Variants in MSRA observed in about 807,000 individuals in gnomAD.
MSRA encodes methionine sulfoxide reductase A.
MSRA carries 54 observed loss-of-function variants against 31.3 expected under a neutral mutation model. The observed-to-expected ratio is 1.73, with a 90% CI of 1.39 to 2.17. MSRA has a LOEUF of 2.17. MSRA is among the 30% of genes most tolerant of loss of function. The pLI, the probability that MSRA is intolerant of heterozygous loss-of-function variation, is 0.00. For missense variants in MSRA, 507 were observed against 300.9 expected, an observed-to-expected ratio of 1.69 and a Z score of -5.07; for synonymous variants, 169 against 116.5, an observed-to-expected ratio of 1.45 and a Z score of -2.90.
At chr8:10,180,560 G>A (rs796844108) in intron 1 of MSRA, among the ~76,000 whole-genome samples, 27 of 152,284 alleles carry the variant, frequency 1.8e-4, no homozygotes, top group African/African-American at 5.5e-4. Context: ...GCCACCTGGA[G>A]TTACCTCATT....
chr8:10,170,380 G>C (rs1585084232), intron 1 of MSRA, among the ~76,000 whole-genome samples: 1 of 152,264 alleles, frequency 6.6e-6, no homozygotes, highest in Middle Eastern at 3.4e-3. Flanking sequence ...TCTGTGATGT[G>C]AGAACACAGT....
chr8:10,413,333 A>T (rs1808266489), intron 5 of MSRA, among the ~76,000 whole-genome samples: 1 of 152,210 alleles, frequency 6.6e-6, no homozygotes, highest in Non-Finnish European at 1.5e-5. Flanking sequence ...CCACACTGAG[A>T]CTTCAATGGC....
At chr8:10,057,814 T>C (rs941616462) in intron 1 of MSRA, among the ~76,000 whole-genome samples, 6 of 152,256 alleles carry the variant, frequency 3.9e-5, no homozygotes, top group Non-Finnish European at 7.3e-5. Flanking sequence ...CTGGCCATGC[T>C]TTCTGTACAG....
intron 1 of MSRA, among the ~76,000 whole-genome samples, chr8:10,135,548 A>G (rs1297928640): frequency 1.3e-5 from 2 of 152,234 alleles, no homozygotes; most frequent in Non-Finnish European, 1.5e-5. Flanking sequence ...GGTATTTAAT[A>G]TACATGATGA....
chr8:10,330,194 T>C (rs1425590434), intron 5 of MSRA, among the ~76,000 whole-genome samples: 1 of 106,908 alleles, frequency 9.4e-6, no homozygotes, highest in Non-Finnish European at 1.9e-5. Flanking sequence ...ATTATAAGAA[T>C]TAAATGTGAT....
chr8:10,090,145 A>G (rs566557899), intron 1 of MSRA, among the ~76,000 whole-genome samples: 1 of 152,298 alleles, frequency 6.6e-6, no homozygotes, highest in East Asian at 1.9e-4. Context: ...CAGAGACTTA[A>G]TGCAGAGGGG....
chr8:10,195,867 C>T (rs1195595340), intron 1 of MSRA, among the ~76,000 whole-genome samples: 2 of 152,186 alleles, frequency 1.3e-5, no homozygotes, highest in Non-Finnish European at 2.9e-5. Context: ...TTTTCACGAA[C>T]GAATAGCAGC....
intron 5 of MSRA, among the ~76,000 whole-genome samples, chr8:10,403,237 A>C (rs1040139295): frequency 6.6e-6 from 1 of 152,208 alleles, no homozygotes. Flanking sequence ...CTTTCAGCAG[A>C]GTGGGTGGCA....
At chr8:10,314,320 G>C (rs1442262145) in intron 4 of MSRA, among the ~76,000 whole-genome samples, 5 of 152,092 alleles carry the variant, frequency 3.3e-5, no homozygotes, top group Non-Finnish European at 5.9e-5. Context: ...TGTATGTGCA[G>C]TATTTTTTTT....
chr8:10,164,379 C>G (rs758330607), intron 1 of MSRA, among the ~76,000 whole-genome samples: 5 of 152,170 alleles, frequency 3.3e-5, no homozygotes, highest in Non-Finnish European at 7.4e-5. Context: ...GATCCCTTCC[C>G]TTGGCTGCTG....
intron 5 of MSRA, among the ~76,000 whole-genome samples, chr8:10,370,349 C>G (rs764843690): frequency 6.6e-6 from 1 of 152,160 alleles, no homozygotes; most frequent in Non-Finnish European, 1.5e-5. Context: ...GAAGAGTGGT[C>G]CCTCCAAAGG....
chr8:10,133,862 G>A (rs372350691), intron 1 of MSRA, among the ~76,000 whole-genome samples: 49 of 151,922 alleles, frequency 3.2e-4, no homozygotes, highest in African/African-American at 1.1e-3. Context: ...ATGGAGTCTC[G>A]CTCTGTCGCC....
intron 3 of MSRA, among the ~76,000 whole-genome samples, chr8:10,251,069 C>T (rs559650009): frequency 6.6e-6 from 1 of 152,264 alleles, no homozygotes; most frequent in East Asian, 1.9e-4. Context: ...GTTTTCTTCT[C>T]TTCTTCATCT....
intron 1 of MSRA, among the ~76,000 whole-genome samples, chr8:10,147,348 C>A (rs1041207036): frequency 7.9e-5 from 12 of 152,142 alleles, no homozygotes; most frequent in African/African-American, 2.7e-4. Flanking sequence ...TGTGGAGGGT[C>A]AGCTTCCGCA....
chr8:10,059,154 A>G (rs1365667024), intron 1 of MSRA: 1 of 152,200 alleles, frequency 6.6e-6, no homozygotes, highest in East Asian at 1.9e-4. Flanking sequence ...TGGTATTGGG[A>G]CAACTGGGTA....
intron 1 of MSRA, among the ~76,000 whole-genome samples, chr8:10,160,021 A>C (rs542447423): frequency 3.3e-5 from 5 of 152,222 alleles, no homozygotes; most frequent in African/African-American, 9.6e-5. Flanking sequence ...AAAGTGGTCT[A>C]TATAATTCTT....
chr8:10,105,108 A>G (rs977174518), intron 1 of MSRA, among the ~76,000 whole-genome samples: 2 of 152,222 alleles, frequency 1.3e-5, no homozygotes, highest in African/African-American at 4.8e-5. Context: ...TGCTTTGCAC[A>G]GTATTCTTTT....
chr8:10,413,739 C>T (rs900458404), intron 5 of MSRA, among the ~76,000 whole-genome samples: 2 of 149,942 alleles, frequency 1.3e-5, no homozygotes, highest in East Asian at 1.9e-4. Flanking sequence ...GCTGAGTTGG[C>T]GGAAGAAAGA....
chr8:10,170,474 C>T (rs939873338), intron 1 of MSRA, among the ~76,000 whole-genome samples: 2 of 152,142 alleles, frequency 1.3e-5, no homozygotes, highest in African/African-American at 4.8e-5. Flanking sequence ...ACTTCCCAGC[C>T]TCCAGAATTG....
Sources: allele counts gnomAD v4.1 joint callset (sites outside exome capture counted in the v4.1 genomes callset), GRCh38; gene constraint gnomAD v4.1.1; transcripts MANE v1.5; gene names NCBI Gene and HGNC (gene_info 2026-07-23, HGNC 2026-07-21).